The following TBX18 variants were observed in gnomAD, a reference collection of about 807,000 sequenced individuals.
TBX18 encodes T-box transcription factor 18, also known as T-box transcription factor TBX18.
Under a neutral mutation model 55.0 loss-of-function variants are expected in TBX18, and 21 were observed. The ratio of observed to expected loss-of-function variants is 0.38; its 90% confidence interval spans 0.27 to 0.55. The LOEUF is 0.55. Ranked by LOEUF, TBX18 falls within the 20% of genes least tolerant of loss-of-function variation. The pLI is 0.73. For missense variants in TBX18, 840 were observed against 799.6 expected (o/e 1.05, Z -0.61); for synonymous variants, 342 against 326.1 (o/e 1.05, Z -0.53).
chr6:84,748,713 T>C (rs1349514176), intron 4 of TBX18, among the ~76,000 whole-genome samples: 1 of 152,234 alleles, frequency 6.6e-6, no homozygotes, highest in Non-Finnish European at 1.5e-5. Context: ...TCTCAGATGC[T>C]GCTGGGGAAA....
intron 7 of TBX18, 81 bp from the exon 8 acceptor site, chr6:84,737,490 C>T (rs1358299642): frequency 2.1e-6 from 3 of 1,430,292 alleles, no homozygotes; most frequent in Non-Finnish European, 2.8e-6. Flanking sequence ...CTAGACACAG[C>T]TTGTTACAAG....
At position 84,737,124 on chromosome 6, in the gene TBX18, C is replaced by T; in HGVS notation, c.1385G>A (p.Ser462Asn). 1 of 1,614,204 alleles carries T rather than the reference C, an allele frequency of 6.2e-7. No homozygotes were observed. The highest frequency in any genetic ancestry group is 1.1e-5 in the South Asian group (1 of 91,088). The stretch of plus-strand genomic sequence containing the variant: ...CATGGACATGTTCACGGAGGTGCTG[C>T]TGCTCACGCCCACATAGGAGGGAGT... ...PRTPSYVGVS[S>N]STSVNMSMGG... The change falls in exon 8 of 8, where the codon AGC (serine) becomes AAC (asparagine). Residue 462 changes from serine (S) to asparagine (N), a missense_variant. Transcript: ENST00000369663.
rs1285923996 is a variant in TBX18, at chr6:84,734,559, CGTG to C, written c.*2123_*2125del. On this transcript the variant is annotated 3_prime_UTR_variant, in exon 8 of 8. Coordinates refer to ENST00000369663, the MANE Select transcript of TBX18 (RefSeq NM_001080508.3). ...AATAAAAGGCTAGTCTCTGAAGTGA[CGTG>C]GTGATTAATATTTACAGTAAAACCT... The C allele has an allele frequency of 2.6e-5, 4 of 152,328 alleles. No homozygotes were observed. Among genetic ancestry groups the C allele is most frequent in the African/African-American group, 7.3e-5 (3 of 41,326 alleles). The allele number at this position is 152,328 out of a possible 1,614,324, so 9.4% of individuals were successfully genotyped here.
Position 84,736,705 on chromosome 6 carries a change from C to T in TBX18, c.1804G>A (p.Val602Ile). The T allele has an allele frequency of 6.3e-7, 1 of 1,579,926 alleles. No individual in the cohort carries two copies. Among genetic ancestry groups the T allele is most frequent in the South Asian group, 1.2e-5 (1 of 84,868 alleles). ...LGSLTLSSSQ[V>I]SAHMV ...CTTCATCAGACCATATGTGCAGATA[C>T]TTGAGATGATGACAGAGTTAAGCTT... Residue 602 changes from valine (V) to isoleucine (I), a missense_variant, in exon 8 of 8, where the codon GTA (valine) becomes ATA (isoleucine). Physicochemically the swap from Val to Ile is conservative, Grantham distance 29 (BLOSUM62 3). Coordinates refer to ENST00000369663, the MANE Select transcript of TBX18 (RefSeq NM_001080508.3).
chr6:84,754,560 A>T (rs1006075369), intron 4 of TBX18, among the ~76,000 whole-genome samples: 1 of 152,152 alleles, frequency 6.6e-6, no homozygotes, highest in Non-Finnish European at 1.5e-5. Flanking sequence ...TATTTCCCTA[A>T]TAGTAAAATA....
chr6:84,763,740 C>T (rs1479495449), intron 1 of TBX18, 150 bp downstream of exon 1: 3 of 1,407,170 alleles, frequency 2.1e-6, no homozygotes, highest in Admixed American at 3.1e-5. Flanking sequence ...GACCAGGTTG[C>T]GCGGCGAGCT....
At position 84,737,240 on chromosome 6, in the gene TBX18, T is replaced by G; in HGVS notation, c.1269A>C (p.Ser423=). 6.2e-7 allele frequency: 1 copy of G among 1,609,164 alleles called. No homozygotes were observed. The highest frequency in any genetic ancestry group is 8.5e-7 in the Non-Finnish European group (1 of 1,177,256). ...APADYSACAR[S]GLTLNRYSTS... is the part of the protein sequence containing the mutation. Reference sequence around the variant, plus strand: ...TGCTGTATCGGTTGAGGGTGAGGCCTGAGCGGGCACAGGCAGAATAGTCAG... The same window carrying G: ...TGCTGTATCGGTTGAGGGTGAGGCCGGAGCGGGCACAGGCAGAATAGTCAG... Residue 423 remains serine, a synonymous_variant, in exon 8 of 8, where the codon TCA becomes TCC. Transcript: ENST00000369663.
At chr6:84,763,330 G>T in intron 1 of TBX18, 2 of 455,754 alleles carry the variant, frequency 4.4e-6, no homozygotes, top group Non-Finnish European at 4.4e-6. Context: ...TGCGCTTCCA[G>T]CCCAGCAGAG....
chr6:84,760,217 GTTTTT>G (rs560234572), intron 3 of TBX18, 33 bp downstream of exon 3: 21 of 1,068,688 alleles, frequency 2.0e-5, no homozygotes, highest in Non-Finnish European at 2.7e-5. Context: ...AAATCCTAGT[GTTTTT>G]TTTTTTAATT....
chr6:84,745,595 T>C (rs1247099666), intron 5 of TBX18, among the ~76,000 whole-genome samples: 4 of 152,144 alleles, frequency 2.6e-5, no homozygotes, highest in Non-Finnish European at 5.9e-5. Flanking sequence ...ATGAAAGGGT[T>C]TGCTAATTAA....
intron 4 of TBX18, among the ~76,000 whole-genome samples, chr6:84,754,399 A>G (rs747767170): frequency 6.6e-6 from 1 of 152,160 alleles, no homozygotes; most frequent in Non-Finnish European, 1.5e-5. Context: ...CTTGCTTCCA[A>G]ATTGTACAAG....
intron 2 of TBX18, 27 bp downstream of exon 2, chr6:84,762,517 G>A (rs183458100): frequency 6.2e-7 from 1 of 1,612,618 alleles, no homozygotes; most frequent in African/African-American, 1.3e-5. Context: ...GGGTAGGGAG[G>A]GGCGTCCACG....
At chr6:84,749,116 T>C (rs962457608) in intron 4 of TBX18, among the ~76,000 whole-genome samples, 4 of 152,222 alleles carry the variant, frequency 2.6e-5, no homozygotes, top group Non-Finnish European at 5.9e-5. Flanking sequence ...TTGTATGTTC[T>C]ATGCTTTCAA....
chr6:84,760,132 A>G lies in TBX18; in HGVS notation c.599+123T>C, dbSNP rs976083150. 3 of 529,250 alleles carry G rather than the reference A, an allele frequency of 5.7e-6. No individual in the cohort carries two copies. The African/African-American group carries it at 5.9e-5, about 10-fold the overall frequency. 32.8% of individuals were successfully genotyped at this position (529,250 alleles called of 1,614,324 possible). A position where few individuals can be genotyped will look rare whatever the true frequency, so the allele number is the denominator to read the frequency against. On this transcript the variant is annotated intron_variant, in intron 3 of 7. Coordinates refer to ENST00000369663, the MANE Select transcript of TBX18 (RefSeq NM_001080508.3). ...CGCTGGCACCCATGGGCGTTAAAGT[A>G]TGGATCTGGAAATTCTACAGACTTC...
intron 5 of TBX18, 26 bp downstream of exon 5, chr6:84,747,894 A>G: frequency 6.3e-7 from 1 of 1,587,218 alleles, no homozygotes; most frequent in Non-Finnish European, 8.6e-7. Context: ...AAAAATCTAC[A>G]AAGATTCCAA....
chr6:84,753,772 C>A (rs1361421619), intron 4 of TBX18, among the ~76,000 whole-genome samples: 1 of 152,140 alleles, frequency 6.6e-6, no homozygotes, highest in African/African-American at 2.4e-5. Flanking sequence ...TAAACAGATT[C>A]TTTCTTCATA....
intron 7 of TBX18, 115 bp from the exon 8 acceptor site, chr6:84,737,524 G>T: frequency 8.7e-7 from 1 of 1,153,636 alleles, no homozygotes; most frequent in Non-Finnish European, 1.1e-6. Flanking sequence ...GAATGCTACA[G>T]AGATGAAAAG....
intron 6 of TBX18, chr6:84,741,020 C>G (rs144127565): frequency 6.4e-4 from 98 of 152,306 alleles, no homozygotes; most frequent in African/African-American, 2.3e-3. Flanking sequence ...TGCTCTGAAG[C>G]TGACATATCT....
intron 1 of TBX18, chr6:84,763,383 A>G (rs1231456274): frequency 2.2e-6 from 1 of 457,588 alleles, no homozygotes; most frequent in Admixed American, 2.3e-5. Context: ...CGGCCTTGGC[A>G]GAGAAATCAA....
Sources: allele counts gnomAD v4.1 joint callset (sites outside exome capture counted in the v4.1 genomes callset), GRCh38; gene constraint gnomAD v4.1.1; transcripts MANE v1.5; gene names NCBI Gene and HGNC (gene_info 2026-07-23, HGNC 2026-07-21).